Variants in FMNL2 observed in about 807,000 individuals in gnomAD.
FMNL2 encodes the protein formin like 2, also known as formin-like protein 2.
A neutral mutation model predicts 130.2 loss-of-function variants in FMNL2; 51 were observed. The observed-to-expected ratio is 0.39, with a 90% CI of 0.31 to 0.49. The LOEUF (loss-of-function observed/expected upper bound fraction) is 0.49. Ranked by LOEUF, FMNL2 falls within the 20% of genes least tolerant of loss-of-function variation. The pLI is 0.85. For synonymous variants in FMNL2, 465 were observed against 467.1 expected, an observed-to-expected ratio of 1.00 and a Z score of 0.06; for missense variants, 977 against 1,316.2, an observed-to-expected ratio of 0.74 and a Z score of 3.99.
chr2:152,426,113 C>T (rs78575999), intron 1 of FMNL2, among the ~76,000 whole-genome samples: 5,336 of 152,196 alleles, frequency 0.035, 313 homozygotes, highest in African/African-American at 0.12. Flanking sequence ...GTTATGGCAT[C>T]TGAGTAAATG....
intron 1 of FMNL2, among the ~76,000 whole-genome samples, chr2:152,442,293 C>T (rs985297353): frequency 3.3e-5 from 5 of 150,454 alleles, no homozygotes; most frequent in African/African-American, 1.2e-4. Context: ...GTCTTGTTGC[C>T]CAGGCTGGAG....
chr2:152,580,136 A>G (rs559997564), intron 8 of FMNL2, among the ~76,000 whole-genome samples: 9 of 152,230 alleles, frequency 5.9e-5, no homozygotes, highest in Non-Finnish European at 1.3e-4. Flanking sequence ...TACAGGGAAG[A>G]CATTATTTTT....
chr2:152,571,923 G>T (rs1267228113), intron 6 of FMNL2, among the ~76,000 whole-genome samples: 1 of 151,976 alleles, frequency 6.6e-6, no homozygotes, highest in Admixed American at 6.6e-5. Flanking sequence ...AAGTGAATCG[G>T]TGTGACATTT....
intron 1 of FMNL2, among the ~76,000 whole-genome samples, chr2:152,401,687 G>T (rs1685701132): frequency 6.6e-6 from 1 of 152,030 alleles, no homozygotes; most frequent in Non-Finnish European, 1.5e-5. Flanking sequence ...GTTGATTCAG[G>T]TTGGGGCTTT....
chr2:152,601,994 GA>G (rs1457294182), intron 9 of FMNL2, among the ~76,000 whole-genome samples: 1 of 152,164 alleles, frequency 6.6e-6, no homozygotes, highest in African/African-American at 2.4e-5. Context: ...TGATAGATGT[GA>G]AAACTGAAGT....
At chr2:152,581,176 C>A in intron 9 of FMNL2, 127 bp downstream of exon 9, 1 of 721,564 alleles carries the variant, frequency 1.4e-6, no homozygotes, top group Non-Finnish European at 2.1e-6. Context: ...TCTAAGATCT[C>A]ACTGAGAGGA....
intron 1 of FMNL2, among the ~76,000 whole-genome samples, chr2:152,377,900 G>A (rs1450166070): frequency 6.6e-6 from 1 of 152,086 alleles, no homozygotes; most frequent in Admixed American, 6.6e-5. Flanking sequence ...GGGAGGCTGA[G>A]GTAGGCAAAT....
At chr2:152,588,776 T>C (rs1697225352) in intron 9 of FMNL2, among the ~76,000 whole-genome samples, 1 of 152,128 alleles carries the variant, frequency 6.6e-6, no homozygotes, top group African/African-American at 2.4e-5. Context: ...AAGGCCCCCT[T>C]GCTTATCCCA....
chr2:152,426,127 A>G (rs996199227), intron 1 of FMNL2, among the ~76,000 whole-genome samples: 2 of 152,140 alleles, frequency 1.3e-5, no homozygotes, highest in Non-Finnish European at 2.9e-5. Flanking sequence ...GTAAATGGAG[A>G]TGGGTGACAG....
Position 152,513,863 on chromosome 2 carries a change from A to G in FMNL2, c.118-8080A>G, listed in dbSNP as rs1195239293. Among the ~76,000 whole-genome samples the G allele has an allele frequency of 3.3e-5, 5 of 152,326 alleles. No individual in the cohort carries two copies. The South Asian group carries it at 1.0e-3, about 32-fold the overall frequency. ...ATAAAAATAACAGTGACAATGAAAA[A>G]TGACTGACTGGTGATTCACTTTGGG... On this transcript the variant is annotated intron_variant, in intron 1 of 25. Transcript: ENST00000288670.
At chr2:152,630,818 A>G (rs2105932027) in intron 20 of FMNL2, among the ~76,000 whole-genome samples, 2 of 152,156 alleles carry the variant, frequency 1.3e-5, no homozygotes, top group East Asian at 3.9e-4. Context: ...GTACATCCCC[A>G]TTTCTCCTCT....
intron 1 of FMNL2, among the ~76,000 whole-genome samples, chr2:152,464,239 C>T (rs562716317): frequency 7.2e-5 from 11 of 152,334 alleles, no homozygotes; most frequent in Non-Finnish European, 1.3e-4. Context: ...CCCCCGCACT[C>T]AGCCACTGAT....
intron 1 of FMNL2, among the ~76,000 whole-genome samples, chr2:152,439,703 A>G (rs900229845): frequency 7.9e-5 from 12 of 151,362 alleles, no homozygotes; most frequent in African/African-American, 2.9e-4. Flanking sequence ...TCCTGAAGAC[A>G]TCAAGGAGGG....
At chr2:152,640,133 AC>A in intron 24 of FMNL2, 77 bp downstream of exon 24, 1 of 1,297,804 alleles carries the variant, frequency 7.7e-7, no homozygotes, top group Non-Finnish European at 1.0e-6. Context: ...CATACAAAGG[AC>A]CAGCAAGCCA....
intron 1 of FMNL2, among the ~76,000 whole-genome samples, chr2:152,431,659 C>T (rs963592958): frequency 5.9e-5 from 9 of 152,050 alleles, no homozygotes; most frequent in African/African-American, 1.9e-4. Flanking sequence ...TAATGTGCCG[C>T]GTGTCTGTTT....
intron 2 of FMNL2, among the ~76,000 whole-genome samples, chr2:152,536,563 T>C (rs961052668): frequency 6.6e-6 from 1 of 152,176 alleles, no homozygotes; most frequent in African/African-American, 2.4e-5. Context: ...AATGAATTAT[T>C]TTAGGATCAA....
chr2:152,571,635 T>A (rs1275467073), intron 6 of FMNL2, among the ~76,000 whole-genome samples: 1 of 152,194 alleles, frequency 6.6e-6, no homozygotes, highest in East Asian at 1.9e-4. Flanking sequence ...CCTGCAAAGC[T>A]CAGGCCTTTG....
intron 6 of FMNL2, among the ~76,000 whole-genome samples, chr2:152,564,293 G>A (rs1219730912): frequency 6.6e-6 from 1 of 151,596 alleles, no homozygotes; most frequent in Non-Finnish European, 1.5e-5. Context: ...TTAATCTCCC[G>A]ATAATAAGAC....
At chr2:152,473,038 G>A (rs1296003248) in intron 1 of FMNL2, among the ~76,000 whole-genome samples, 1 of 152,186 alleles carries the variant, frequency 6.6e-6, no homozygotes, top group African/African-American at 2.4e-5. Flanking sequence ...ACAGTAAAGT[G>A]TTGTTTTCAA....
Sources: gnomAD v4.1 joint callset for allele counts (sites outside exome capture counted in the v4.1 genomes callset) on GRCh38, gnomAD v4.1.1 for gene constraint, MANE v1.5 for transcripts, NCBI Gene and HGNC (gene_info 2026-07-23, HGNC 2026-07-21) for gene names.